The following PPFIA1 variants were observed in gnomAD, a reference collection of about 807,000 sequenced individuals.
PPFIA1 encodes the protein PPFI scaffold protein A1.
In PPFIA1, 25 loss-of-function variants were observed where a neutral mutation model predicts 149.9. The ratio of observed to expected loss-of-function variants is 0.17; its 90% CI spans 0.12 to 0.23. The LOEUF (loss-of-function observed/expected upper bound fraction) is 0.23, where lower values mean the gene tolerates loss of function less well. PPFIA1 is among the 10% of genes least tolerant of loss of function. PPFIA1 has a pLI of 1.00. For synonymous variants in PPFIA1, 549 were observed against 552.8 expected, an observed-to-expected ratio of 0.99 and a Z score of 0.10; for missense variants, 1,362 against 1,506.5, an observed-to-expected ratio of 0.90 and a Z score of 1.59.
intron 16 of PPFIA1, chr11:70,349,798 C>T (rs769813897): frequency 3.3e-5 from 13 of 389,990 alleles, no homozygotes; most frequent in South Asian, 1.3e-4. Context: ...CCAGAGAATT[C>T]GTAAAAACAG....
At chr11:70,341,530 TTGATGGGACTG>T (rs2055330162) in intron 14 of PPFIA1, among the ~76,000 whole-genome samples, 1 of 152,118 alleles carries the variant, frequency 6.6e-6, no homozygotes, top group South Asian at 2.1e-4. Context: ...CATGTTCAGG[TTGATGGGACTG>T]TCAGCTGTCC....
chr11:70,358,387 A>T (rs2056460077), intron 19 of PPFIA1: 1 of 152,010 alleles, frequency 6.6e-6, no homozygotes, highest in Non-Finnish European at 1.5e-5. Context: ...TGCCCAGCTA[A>T]TTTTTTTGAA....
In PPFIA1 at chr11:70,362,156, A is replaced by G. The variant is rs764016850; in HGVS notation, c.2644A>G (p.Thr882Ala). Residue 882 changes from threonine (T) to alanine (A), a missense_variant, in exon 20 of 28, where the codon ACG becomes GCG. Around this residue, in one of 7 missense-constraint regions of PPFIA1, gnomAD observed 91 missense variants for 91.2 expected, o/e 1.00. Transcript: ENST00000253925. ...GLPFAQWDGP[T>A]VVVWLELWVG... The stretch of plus-strand genomic sequence containing the variant: ...ACCTTTTGCCCAATGGGACGGGCCA[A>G]CGGTTGTGGTCTGGCTAGAGGTACA... 1.5e-5 allele frequency: 25 copies of G among 1,614,134 alleles called. No homozygotes were observed. The highest frequency in any genetic ancestry group is 1.9e-5 in the Non-Finnish European group (22 of 1,180,056).
intron 14 of PPFIA1, among the ~76,000 whole-genome samples, chr11:70,339,947 C>T (rs923871898): frequency 1.3e-5 from 2 of 151,874 alleles, no homozygotes; most frequent in African/African-American, 2.4e-5. Context: ...ACCCGGGAGG[C>T]GTTGCAGCGA....
intron 8 of PPFIA1, among the ~76,000 whole-genome samples, chr11:70,330,624 T>A (rs116464210): frequency 2.2e-4 from 33 of 152,342 alleles, no homozygotes; most frequent in African/African-American, 7.2e-4. Flanking sequence ...TGGCTATTTG[T>A]AACTAAGTGG....
Position 70,375,098 on chromosome 11 carries a change from C to T in PPFIA1, c.3315+5C>T, listed in dbSNP as rs67283107. ...ATCCCGACGCAGAACACACAGGTGA[C>T]GCCAAACCTGTCTGTGTCTGCACTC... On this transcript the variant is annotated splice_donor_5th_base_variant and intron_variant, in intron 24 of 27. Coordinates refer to ENST00000253925, the MANE Select transcript of PPFIA1 (RefSeq NM_003626.5). 203,505 of 1,594,640 alleles carry T rather than the reference C, an allele frequency of 0.13. 15,030 individuals are homozygous for T. Among genetic ancestry groups the T allele is most frequent in the African/African-American group, 0.31 (22,977 of 73,462 alleles).
At chr11:70,350,506 A>C (rs922528600) in intron 16 of PPFIA1, among the ~76,000 whole-genome samples, 3 of 152,222 alleles carry the variant, frequency 2.0e-5, no homozygotes, top group African/African-American at 4.8e-5. Context: ...TTTAAGCAAT[A>C]AATTTATTTT....
chr11:70,362,245 C>T (rs1382019605), intron 20 of PPFIA1, 43 bp from the exon 21 acceptor site: 3 of 1,613,148 alleles, frequency 1.9e-6, no homozygotes, highest in Non-Finnish European at 2.5e-6. Context: ...ACTTTGTAGA[C>T]TGTACCTCAC....
Position 70,324,517 on chromosome 11 carries a change from T to C in PPFIA1, c.366+14T>C. Reference sequence around the variant, plus strand: ...AATAACACCAGGGTGAGTGTGACCTTTCTGTTCACTGCCTGCCCCTGGAGC... The same window carrying C: ...AATAACACCAGGGTGAGTGTGACCTCTCTGTTCACTGCCTGCCCCTGGAGC... On this transcript the variant is annotated intron_variant, in intron 3 of 27. Transcript: ENST00000253925. 1 of 1,579,970 alleles carries C rather than the reference T, an allele frequency of 6.3e-7. No individual in the cohort carries two copies.
intron 2 of PPFIA1, among the ~76,000 whole-genome samples, chr11:70,321,847 T>C (rs1490517458): frequency 6.6e-6 from 1 of 152,244 alleles, no homozygotes. Context: ...ACTTGACAGT[T>C]ATGTGCCATA....
intron 8 of PPFIA1, among the ~76,000 whole-genome samples, chr11:70,331,331 AT>A (rs2054644881): frequency 6.6e-6 from 1 of 152,172 alleles, no homozygotes; most frequent in Non-Finnish European, 1.5e-5. Flanking sequence ...GTATCACTGT[AT>A]TCCAGCCTGG....
chr11:70,279,903 G>GTGTGTGTGTGTGTGTGTGTGTGTGTGTGT (rs1328899566), intron 2 of PPFIA1, among the ~76,000 whole-genome samples: 4 of 99,974 alleles, frequency 4.0e-5, no homozygotes, highest in African/African-American at 2.8e-4. Flanking sequence ...TGTGTGTGGG[G>GTGTGTGTGTGTGTGTGTGTGTGTGTGTGT]GATGTGTGTG....
At position 70,383,664 on chromosome 11, in the gene PPFIA1, A is replaced by G. The variant is rs1024425446; in HGVS notation, c.*674A>G. 2 of 153,520 alleles carry G rather than the reference A, an allele frequency of 1.3e-5. No individual in the cohort carries two copies. The highest frequency in any genetic ancestry group is 4.8e-5 in the African/African-American group (2 of 41,478). 9.5% of individuals were successfully genotyped at this position (153,520 alleles called of 1,614,324 possible). A position where few individuals can be genotyped will look rare whatever the true frequency, so the allele number is the denominator to read the frequency against. On this transcript the variant is annotated 3_prime_UTR_variant, in exon 28 of 28. Coordinates refer to ENST00000253925, the MANE Select transcript of PPFIA1 (RefSeq NM_003626.5). ...GATGTGGACTGAAAACACTATCACA[A>G]CACTATGAGAAGCCCCTAGCACTGG...
At chr11:70,283,901 T>C in intron 2 of PPFIA1, 1 of 474,114 alleles carries the variant, frequency 2.1e-6, no homozygotes, top group South Asian at 1.5e-5. Context: ...CAACAAAGAA[T>C]TATCTGGCCC....
At chr11:70,346,844 G>A (rs1293365209) in intron 15 of PPFIA1, among the ~76,000 whole-genome samples, 1 of 152,138 alleles carries the variant, frequency 6.6e-6, no homozygotes, top group Non-Finnish European at 1.5e-5. Flanking sequence ...ACTTTAATTG[G>A]AAGGGTTATT....
At chr11:70,276,756 C>G (rs1167307922) in intron 2 of PPFIA1, among the ~76,000 whole-genome samples, 1 of 151,746 alleles carries the variant, frequency 6.6e-6, no homozygotes, top group Non-Finnish European at 1.5e-5. Flanking sequence ...GCATTTTTCC[C>G]CGCTAGAGAT....
intron 2 of PPFIA1, among the ~76,000 whole-genome samples, chr11:70,283,603 C>T (rs1257235851): frequency 6.6e-6 from 1 of 152,056 alleles, no homozygotes; most frequent in African/African-American, 2.4e-5. Flanking sequence ...GCAAGACAGC[C>T]CATTTAGGAG....
intron 2 of PPFIA1, among the ~76,000 whole-genome samples, chr11:70,277,000 C>T: frequency 9.8e-6 from 1 of 101,540 alleles, no homozygotes. Context: ...GCATTAATTT[C>T]TACTTTTTTT....
chr11:70,345,503 C>G (rs3132437), intron 15 of PPFIA1, among the ~76,000 whole-genome samples: 2 of 151,604 alleles, frequency 1.3e-5, no homozygotes, highest in Non-Finnish European at 2.9e-5. Flanking sequence ...GAAGGAAAGA[C>G]AGGAGTCAGA....
Sources: gnomAD v4.1 joint callset for allele counts (sites outside exome capture counted in the v4.1 genomes callset) on GRCh38, gnomAD v4.1.1 for gene constraint, gnomAD v4.1.1 regional missense constraint, MANE v1.5 for transcripts, NCBI Gene and HGNC (gene_info 2026-07-23, HGNC 2026-07-21) for gene names.